LYN: variants seen among roughly 807,000 people sequenced by gnomAD.
LYN encodes the protein LYN proto-oncogene, Src family tyrosine kinase.
In LYN, 12 loss-of-function variants were observed where a neutral mutation model predicts 65.0. That is an observed-to-expected ratio of 0.18 (90% CI 0.12 to 0.30). LYN has a LOEUF of 0.30. Ranked by LOEUF, LYN falls within the 10% of genes least tolerant of loss-of-function variation. The probability of loss-of-function intolerance (pLI) is 1.00; values close to 1 mark genes in which losing one functional copy is unlikely to be tolerated. For missense variants in LYN, 380 were observed against 623.2 expected (o/e 0.61, Z 4.16); for synonymous variants, 222 against 221.2 (o/e 1.00, Z -0.03).
At chr8:55,906,579 A>G (rs1410359110) in intron 1 of LYN, among the ~76,000 whole-genome samples, 1 of 147,756 alleles carries the variant, frequency 6.8e-6, no homozygotes, top group Non-Finnish European at 1.5e-5. Flanking sequence ...CTAGTCTTGA[A>G]CTCCTCACCT....
chr8:55,924,054 T>C (rs1381103933), intron 1 of LYN, among the ~76,000 whole-genome samples: 1 of 149,818 alleles, frequency 6.7e-6, no homozygotes, highest in Non-Finnish European at 1.5e-5. Context: ...ACTTGTTTTT[T>C]CTTTTTCTTT....
rs373111685 is a variant in LYN at position 55,911,102 on chromosome 8, T to TATATATATACATATATATATATATAC, written c.-5-30752_-5-30751insTATATATACATATATATATATATACA. Among the ~76,000 whole-genome samples, 6 of 28,850 alleles carry TATATATATACATATATATATATATAC rather than the reference T, an allele frequency of 2.1e-4. 2 individuals carry two copies. Among genetic ancestry groups the TATATATATACATATATATATATATAC allele is most frequent in the African/African-American group, 2.7e-4 (2 of 7,458 alleles). 18.9% of individuals were successfully genotyped at this position (28,850 alleles called of 152,430 possible). On this transcript the variant is annotated intron_variant, in intron 1 of 12. Coordinates refer to ENST00000519728, the MANE Select transcript of LYN (RefSeq NM_002350.4). Reference sequence around the variant, plus strand: ...ACATACATATATATATATATATACATACACGTATATATACGTATATATATA... The same window carrying TATATATATACATATATATATATATAC: ...ACATACATATATATATATATATACATATATATATACATATATATATATATACACACGTATATATACGTATATATATA...
At chr8:55,909,342 G>A (rs1347493135) in intron 1 of LYN, among the ~76,000 whole-genome samples, 2 of 152,104 alleles carry the variant, frequency 1.3e-5, no homozygotes, top group South Asian at 2.1e-4. Context: ...GGACAGTGGG[G>A]ACCAGCCATC....
intron 10 of LYN, among the ~76,000 whole-genome samples, chr8:55,998,033 A>G (rs760630083): frequency 9.2e-5 from 14 of 152,236 alleles, no homozygotes; most frequent in South Asian, 2.1e-4. Flanking sequence ...GCAGTGAGCC[A>G]AGATAGCGCC....
rs541558504 is a variant in LYN at position 55,897,819 on chromosome 8, G to A, written c.-6+17716G>A. Among the ~76,000 whole-genome samples, 309 of 152,170 alleles carry A rather than the reference G, an allele frequency of 2.0e-3. 2 individuals carry two copies. Among genetic ancestry groups the A allele is most frequent in the African/African-American group, 6.9e-3 (285 of 41,518 alleles). ...TCCCAGCTACTCAGGAGGCTGAGTT[G>A]GGAGGATTGCTTGAGCCTGAGAGGT... On this transcript the variant is annotated intron_variant, in intron 1 of 12. Transcript: ENST00000519728.
chr8:55,946,416 A>T, intron 2 of LYN, 32 bp from the exon 3 acceptor site: 1 of 1,506,940 alleles, frequency 6.6e-7, no homozygotes, highest in Non-Finnish European at 9.2e-7. Context: ...AGCTAAACAG[A>T]ATTTTTTTTT....
chr8:55,987,370 A>G (rs1288861730), intron 10 of LYN, among the ~76,000 whole-genome samples: 1 of 151,416 alleles, frequency 6.6e-6, no homozygotes, highest in African/African-American at 2.4e-5. Context: ...ATCAGGCACT[A>G]CACTCCAGCT....
chr8:55,965,814 T>C (rs1411875632), intron 8 of LYN, among the ~76,000 whole-genome samples: 1 of 152,176 alleles, frequency 6.6e-6, no homozygotes, highest in Non-Finnish European at 1.5e-5. Flanking sequence ...TAAAGAACAT[T>C]TTATTATTAG....
chr8:55,881,404 C>T (rs78972555), intron 1 of LYN, among the ~76,000 whole-genome samples: 3,824 of 152,300 alleles, frequency 0.025, 164 homozygotes, highest in South Asian at 0.14. Context: ...AAGCCATGCC[C>T]TGGGGAATAG....
intron 1 of LYN, among the ~76,000 whole-genome samples, chr8:55,923,166 G>A (rs1431566264): frequency 1.3e-5 from 2 of 152,202 alleles, no homozygotes; most frequent in African/African-American, 2.4e-5. Context: ...CAATAGAATT[G>A]TCTGTCATAC....
chr8:55,973,175 C>T (rs1208883779), intron 10 of LYN, among the ~76,000 whole-genome samples: 3 of 152,212 alleles, frequency 2.0e-5, no homozygotes, highest in African/African-American at 4.8e-5. Context: ...CTCTCCCCTC[C>T]GCATTCCCCT....
At chr8:55,952,784 TTG>T (rs1051933037) in intron 7 of LYN, among the ~76,000 whole-genome samples, 1 of 151,906 alleles carries the variant, frequency 6.6e-6, no homozygotes, top group Non-Finnish European at 1.5e-5. Flanking sequence ...AGATCTGTGT[TTG>T]TGTGTGTGTG....
chr8:55,966,439 C>T (rs1807462250), intron 8 of LYN, among the ~76,000 whole-genome samples: 1 of 151,866 alleles, frequency 6.6e-6, no homozygotes, highest in Non-Finnish European at 1.5e-5. Flanking sequence ...GCGATCTCAG[C>T]TCACTGCAAC....
At chr8:56,008,118 C>CAAAAAAAAAA (rs1554519937) in intron 12 of LYN, among the ~76,000 whole-genome samples, 12 of 64,326 alleles carry the variant, frequency 1.9e-4, no homozygotes, top group Non-Finnish European at 3.0e-4. Context: ...GACTCTGCCT[C>CAAAAAAAAAA]AAAAAAAAAA....
At chr8:55,968,886 T>G (rs1285657288) in intron 9 of LYN, among the ~76,000 whole-genome samples, 3 of 152,214 alleles carry the variant, frequency 2.0e-5, no homozygotes, top group Non-Finnish European at 4.4e-5. Flanking sequence ...AAACAGGTCT[T>G]GCTTTAGAGA....
intron 1 of LYN, among the ~76,000 whole-genome samples, chr8:55,912,881 G>C (rs1454763022): frequency 2.6e-5 from 4 of 151,854 alleles, no homozygotes; most frequent in Non-Finnish European, 5.9e-5. Context: ...TCTTAAAATG[G>C]CCCGTGTGTA....
chr8:55,945,488 T>G (rs577586099), intron 2 of LYN, among the ~76,000 whole-genome samples: 3 of 152,352 alleles, frequency 2.0e-5, no homozygotes, highest in African/African-American at 7.2e-5. Flanking sequence ...ATGGAGATTT[T>G]ATGGGCTTTC....
chr8:56,003,282 C>T (rs1330307170), intron 12 of LYN, among the ~76,000 whole-genome samples: 2 of 151,968 alleles, frequency 1.3e-5, no homozygotes, highest in African/African-American at 4.8e-5. Flanking sequence ...AGAATGGTCT[C>T]GATCTCCTGA....
chr8:55,979,160 A>G (rs1807847455), intron 10 of LYN, among the ~76,000 whole-genome samples: 1 of 147,134 alleles, frequency 6.8e-6, no homozygotes, highest in African/African-American at 2.5e-5. Context: ...ATTCTGCCTC[A>G]GCCTCCCGAG....
Sources: allele counts gnomAD v4.1 joint callset (sites outside exome capture counted in the v4.1 genomes callset), GRCh38; gene constraint gnomAD v4.1.1; transcripts MANE v1.5; gene names NCBI Gene and HGNC (gene_info 2026-07-23, HGNC 2026-07-21).